The following ADAMTS12 variants were observed in gnomAD, a reference collection of about 807,000 sequenced individuals.
ADAMTS12 encodes A disintegrin and metalloproteinase with thrombospondin motifs 12.
A neutral mutation model predicts 167.8 loss-of-function variants in ADAMTS12; 118 were observed. The ratio of observed to expected loss-of-function variants is 0.70; its 90% CI spans 0.61 to 0.82. The LOEUF is 0.82. ADAMTS12 is among the 40% of genes least tolerant of loss of function. The pLI is 0.00. For synonymous variants in ADAMTS12, 704 were observed against 716.9 expected (o/e 0.98, Z 0.29); for missense variants, 1,916 against 1,998.8 (o/e 0.96, Z 0.79).
intron 17 of ADAMTS12, among the ~76,000 whole-genome samples, chr5:33,591,003 T>C (rs1247623485): frequency 6.6e-6 from 1 of 151,650 alleles, no homozygotes; most frequent in Non-Finnish European, 1.5e-5. Flanking sequence ...GTGTTTGCCA[T>C]AATCCCACCT....
chr5:33,745,679 T>C (rs1744757143), intron 3 of ADAMTS12, among the ~76,000 whole-genome samples: 1 of 151,996 alleles, frequency 6.6e-6, no homozygotes, highest in Non-Finnish European at 1.5e-5. Flanking sequence ...ACCAAAAGAC[T>C]ATCCAGTGCT....
chr5:33,681,743 C>T (rs1046419735), intron 5 of ADAMTS12, among the ~76,000 whole-genome samples: 1 of 152,102 alleles, frequency 6.6e-6, no homozygotes, highest in African/African-American at 2.4e-5. Context: ...TGAGAAGGCG[C>T]CAGTCATGTG....
chr5:33,544,180 C>A (rs1455901176), intron 22 of ADAMTS12, among the ~76,000 whole-genome samples: 2 of 152,146 alleles, frequency 1.3e-5, no homozygotes, highest in Non-Finnish European at 2.9e-5. Context: ...GATACAGAAT[C>A]AATGTGCAAA....
intron 2 of ADAMTS12, among the ~76,000 whole-genome samples, chr5:33,880,332 T>C (rs1750382338): frequency 6.6e-6 from 1 of 152,230 alleles, no homozygotes; most frequent in African/African-American, 2.4e-5. Context: ...TGAGTGTTTA[T>C]TATTTATTAA....
At chr5:33,537,051 A>C (rs1406717177) in intron 22 of ADAMTS12, among the ~76,000 whole-genome samples, 1 of 152,238 alleles carries the variant, frequency 6.6e-6, no homozygotes, top group Non-Finnish European at 1.5e-5. Flanking sequence ...GGAGAAGGCC[A>C]CTGCTGCCTT....
chr5:33,680,580 C>G (rs978421281), intron 5 of ADAMTS12, among the ~76,000 whole-genome samples: 3 of 151,808 alleles, frequency 2.0e-5, no homozygotes, highest in African/African-American at 7.3e-5. Flanking sequence ...ATGTGCTCAA[C>G]CAGTATGAAA....
At chr5:33,668,577 G>A (rs1741557485) in intron 5 of ADAMTS12, among the ~76,000 whole-genome samples, 1 of 152,108 alleles carries the variant, frequency 6.6e-6, no homozygotes, top group African/African-American at 2.4e-5. Context: ...AATCCTCCAG[G>A]GTTCAAGCGA....
chr5:33,865,075 CTA>C, intron 2 of ADAMTS12, among the ~76,000 whole-genome samples: 1 of 152,022 alleles, frequency 6.6e-6, no homozygotes, highest in Non-Finnish European at 1.5e-5. Flanking sequence ...CCTACTGAAA[CTA>C]TTCCAAAGAT....
intron 2 of ADAMTS12, among the ~76,000 whole-genome samples, chr5:33,801,948 A>G (rs1018285459): frequency 6.6e-6 from 1 of 152,178 alleles, no homozygotes; most frequent in African/African-American, 2.4e-5. Flanking sequence ...CTTATCACCA[A>G]TGTAATGCTA....
chr5:33,682,538 A>G lies in ADAMTS12; in HGVS notation c.915+480T>C, dbSNP rs74871357. Among the ~76,000 whole-genome samples, 1,079 of 152,346 alleles carry G rather than the reference A, an allele frequency of 7.1e-3. 61 individuals are homozygous for G. The East Asian group carries it at 0.15, about 21-fold the overall frequency. On this transcript the variant is annotated intron_variant, in intron 5 of 23. Coordinates refer to ENST00000504830, the MANE Select transcript of ADAMTS12 (RefSeq NM_030955.4). ...TATTAAGACTTACATATTAAGTCTTATGTTTACTTTACATCATCTCTGAGA... is the reference window on the plus strand; with the variant it reads ...TATTAAGACTTACATATTAAGTCTTGTGTTTACTTTACATCATCTCTGAGA...
intron 2 of ADAMTS12, among the ~76,000 whole-genome samples, chr5:33,755,885 A>T (rs34072316): frequency 0.12 from 18,228 of 152,232 alleles, 1,318 homozygotes; most frequent in Non-Finnish European, 0.15. Flanking sequence ...AACAGAAAAA[A>T]AATTGAGGAT....
chr5:33,606,036 C>G (rs1028787726), intron 16 of ADAMTS12, among the ~76,000 whole-genome samples: 3 of 152,174 alleles, frequency 2.0e-5, no homozygotes, highest in Non-Finnish European at 4.4e-5. Context: ...CAACCTCTGC[C>G]TCCCCGGTTC....
At chr5:33,645,846 C>A (rs1037467146) in intron 9 of ADAMTS12, among the ~76,000 whole-genome samples, 1 of 152,130 alleles carries the variant, frequency 6.6e-6, no homozygotes, top group Non-Finnish European at 1.5e-5. Context: ...TGGGTGCCTA[C>A]TATGTGCTAG....
chr5:33,575,523 C>T (rs1746648728), intron 19 of ADAMTS12, among the ~76,000 whole-genome samples: 1 of 152,188 alleles, frequency 6.6e-6, no homozygotes, highest in South Asian at 2.1e-4. Context: ...TTCACTATAT[C>T]TCACTACATT....
In ADAMTS12 at chr5:33,780,004, A is replaced by G. The variant is rs113666408; in HGVS notation, c.490-28456T>C. Among the ~76,000 whole-genome samples the G allele has an allele frequency of 5.3e-5, 8 of 152,338 alleles. No homozygotes were observed. The East Asian group carries it at 1.2e-3, about 22-fold the overall frequency. On this transcript the variant is annotated intron_variant, in intron 2 of 23. Coordinates refer to ENST00000504830, the MANE Select transcript of ADAMTS12 (RefSeq NM_030955.4). ...TTACATGTTTTTACTACAAAAAATG[A>G]TAACTGTGAGATGATGGATATGTGA...
At chr5:33,653,094 T>C (rs1740927647) in intron 7 of ADAMTS12, among the ~76,000 whole-genome samples, 1 of 152,180 alleles carries the variant, frequency 6.6e-6, no homozygotes, top group Non-Finnish European at 1.5e-5. Flanking sequence ...CATCGTTGTC[T>C]TGTTTTTGAT....
At chr5:33,740,193 A>G (rs981255951) in intron 3 of ADAMTS12, among the ~76,000 whole-genome samples, 1 of 152,230 alleles carries the variant, frequency 6.6e-6, no homozygotes, top group African/African-American at 2.4e-5. Context: ...AAGAACAGAG[A>G]AAAATATAAA....
intron 14 of ADAMTS12, among the ~76,000 whole-genome samples, chr5:33,618,859 T>C (rs1739163446): frequency 2.0e-5 from 3 of 152,340 alleles, no homozygotes; most frequent in Middle Eastern, 6.8e-3. Flanking sequence ...ATGGCTTTCA[T>C]GGCATTTTCT....
At chr5:33,628,160 A>C (rs919847256) in intron 13 of ADAMTS12, among the ~76,000 whole-genome samples, 1 of 152,120 alleles carries the variant, frequency 6.6e-6, no homozygotes, top group Non-Finnish European at 1.5e-5. Flanking sequence ...CGTTATGCTG[A>C]CTGTGTGAAG....
Sources: gnomAD v4.1 joint callset for allele counts (sites outside exome capture counted in the v4.1 genomes callset) on GRCh38, gnomAD v4.1.1 for gene constraint, MANE v1.5 for transcripts, NCBI Gene and HGNC (gene_info 2026-07-23, HGNC 2026-07-21) for gene names.